The following COL4A2 variants were observed in gnomAD, a reference collection of about 807,000 sequenced individuals.
The protein encoded by COL4A2 is collagen alpha-2(IV) chain.
COL4A2 carries 99 observed loss-of-function variants against 200.2 expected under a neutral mutation model. The observed-to-expected ratio is 0.49, with a 90% CI of 0.42 to 0.58. The LOEUF is 0.58. COL4A2 is among the 20% of genes least tolerant of loss of function. The probability of loss-of-function intolerance (pLI) is 0.00; values close to 1 mark genes in which losing one functional copy is unlikely to be tolerated. For missense variants in COL4A2, 1,950 were observed against 2,314.1 expected, an observed-to-expected ratio of 0.84 and a Z score of 3.23; for synonymous variants, 897 against 900.6, an observed-to-expected ratio of 1.00 and a Z score of 0.07.
chr13:110,469,530 A>G (rs1299135902), intron 28 of COL4A2, among the ~76,000 whole-genome samples: 1 of 152,234 alleles, frequency 6.6e-6, no homozygotes, highest in Non-Finnish European at 1.5e-5. Flanking sequence ...AGCTATCTAC[A>G]GATCTTGCAG....
At chr13:110,370,725 T>C (rs1877966822) in intron 4 of COL4A2, among the ~76,000 whole-genome samples, 3 of 152,326 alleles carry the variant, frequency 2.0e-5, no homozygotes, top group African/African-American at 7.2e-5. Context: ...AAATTGAAGG[T>C]GTTCTTCTGC....
rs534971951 is a variant in COL4A2, at chr13:110,371,731, G to A, written c.180+14179G>A. ...AGCATCGATACTCCCTGCTCTCTGA[G>A]CATAGTGTAGGGCGGGCGGCGGGCC... On this transcript the variant is annotated intron_variant, in intron 4 of 47. Coordinates refer to ENST00000360467, the MANE Select transcript of COL4A2 (RefSeq NM_001846.4). Among the ~76,000 whole-genome samples, 916 of 152,276 alleles carry A rather than the reference G, an allele frequency of 6.0e-3. 4 individuals carry two copies. The highest frequency in any genetic ancestry group is 0.011 in the Non-Finnish European group (717 of 68,024).
chr13:110,464,906 C>T (rs763596542), intron 24 of COL4A2, among the ~76,000 whole-genome samples: 2 of 152,240 alleles, frequency 1.3e-5, no homozygotes, highest in Non-Finnish European at 2.9e-5. Context: ...AGGGCAGCCC[C>T]TCTCCATTCC....
At chr13:110,485,598 C>A in intron 33 of COL4A2, 57 bp from the exon 34 acceptor site, 2 of 1,326,518 alleles carry the variant, frequency 1.5e-6, no homozygotes, top group Admixed American at 2.4e-5. Flanking sequence ...AAATTGAAAA[C>A]TGGAGGGCGG....
At chr13:110,321,860 A>G (rs1043398715) in intron 3 of COL4A2, among the ~76,000 whole-genome samples, 1 of 152,204 alleles carries the variant, frequency 6.6e-6, no homozygotes, top group Non-Finnish European at 1.5e-5. Context: ...ACTCACTATC[A>G]TGAGAACAGT....
At chr13:110,409,256 G>A (rs1879737095) in intron 4 of COL4A2, among the ~76,000 whole-genome samples, 5 of 152,180 alleles carry the variant, frequency 3.3e-5, no homozygotes, top group Admixed American at 3.3e-4. Context: ...CACGGGTGAA[G>A]CTTTCTAGGA....
rs1260469528 is a variant in COL4A2 at position 110,367,533 on chromosome 13, G to T, written c.180+9981G>T. Among the ~76,000 whole-genome samples the T allele has an allele frequency of 3.3e-5, 5 of 152,340 alleles. No homozygotes were observed. In the East Asian group the frequency reaches 9.6e-4, roughly 29 times the overall value. ...TTACTTTTAAAAAAATGCACTTAGG[G>T]TGGTGATTATGGCATTGTAAAAGTC... On this transcript the variant is annotated intron_variant, in intron 4 of 47. Transcript: ENST00000360467.
intron 4 of COL4A2, among the ~76,000 whole-genome samples, chr13:110,405,690 A>C (rs141922767): frequency 2.6e-3 from 390 of 152,288 alleles, no homozygotes; most frequent in African/African-American, 9.1e-3. Context: ...TGGACAACTT[A>C]CACATTGAGC....
chr13:110,324,149 C>T (rs1885346736), intron 3 of COL4A2, among the ~76,000 whole-genome samples: 1 of 152,064 alleles, frequency 6.6e-6, no homozygotes, highest in Non-Finnish European at 1.5e-5. Context: ...GGAAGCCAGG[C>T]ATCTGGCCAG....
chr13:110,368,391 T>A (rs1877844412), intron 4 of COL4A2, among the ~76,000 whole-genome samples: 1 of 152,254 alleles, frequency 6.6e-6, no homozygotes, highest in South Asian at 2.1e-4. Flanking sequence ...AAGGTTTTAC[T>A]TAGAGACTTT....
At chr13:110,461,590 GGCTCACTGC>G (rs1882027849) in intron 22 of COL4A2, among the ~76,000 whole-genome samples, 1 of 151,886 alleles carries the variant, frequency 6.6e-6, no homozygotes, top group African/African-American at 2.4e-5. Context: ...GCAAGATCTC[GGCTCACTGC>G]AACCTCCACC....
chr13:110,491,120 C>G, intron 36 of COL4A2, 113 bp from the exon 37 acceptor site: 1 of 743,916 alleles, frequency 1.3e-6, no homozygotes, highest in East Asian at 2.7e-5. Context: ...GGATGCCTCT[C>G]TCCATTCCTG....
chr13:110,485,004 T>C lies in COL4A2; in HGVS notation c.3002T>C (p.Leu1001Pro). 1 of 1,606,094 alleles carries C rather than the reference T, an allele frequency of 6.2e-7. No homozygotes were observed. Among genetic ancestry groups the C allele is most frequent in the East Asian group, 2.2e-5 (1 of 44,726 alleles). The change falls in exon 33 of 48, where the codon CTG (leucine) becomes CCG (proline). Residue 1001 changes from leucine to proline, a missense_variant. This residue lies in a region of COL4A2 where 1,385 missense variants were observed against 1,720.5 expected (regional missense o/e 0.80). Coordinates refer to ENST00000360467, the MANE Select transcript of COL4A2 (RefSeq NM_001846.4). Reference sequence around the variant, plus strand: ...AAAGGAGATGAAGGGCCTATGGGGCTGAAAGGATACCTGGGCGCAAAAGGT... The same window carrying C: ...AAAGGAGATGAAGGGCCTATGGGGCCGAAAGGATACCTGGGCGCAAAAGGT... ...GEKGDEGPMG[L>P]KGYLGAKGIQ...
intron 3 of COL4A2, among the ~76,000 whole-genome samples, chr13:110,332,904 T>C (rs1875993710): frequency 6.6e-6 from 1 of 152,236 alleles, no homozygotes; most frequent in Non-Finnish European, 1.5e-5. Flanking sequence ...CACACGGTGC[T>C]ATTTCCAGAA....
Position 110,424,744 on chromosome 13 carries a change from G to A in COL4A2, c.191G>A (p.Gly64Glu). The A allele has an allele frequency of 6.2e-7, 1 of 1,608,408 alleles. No homozygotes were observed. The highest frequency in any genetic ancestry group is 8.5e-7 in the Non-Finnish European group (1 of 1,175,242). ...TTGTTGTTCCCACAGGGTCAGCCTGGGCCAGTGGGCCCCCAGGGGTACAAT... is the reference window on the plus strand; with the variant it reads ...TTGTTGTTCCCACAGGGTCAGCCTGAGCCAGTGGGCCCCCAGGGGTACAAT... ...YPEKGGRGQP[G>E]PVGPQGYNGP... Residue 64 changes from glycine (G) to glutamate (E), a missense_variant, in exon 5 of 48, where the codon GGG (glycine) becomes GAG (glutamate). By Grantham distance (98) the Gly-to-Glu change is moderately conservative. This residue lies in a region of COL4A2 where 565 missense variants were observed against 593.5 expected (regional missense o/e 0.95). Transcript: ENST00000360467.
chr13:110,430,222 TA>T lies in COL4A2; in HGVS notation c.550-175del, dbSNP rs988455968. The T allele has an allele frequency of 1.0e-5, 8 of 783,786 alleles. No homozygotes were observed. The African/African-American group carries it at 1.4e-4, about 14-fold the overall frequency. 48.6% of individuals were successfully genotyped at this position (783,786 alleles called of 1,614,324 possible). ...TAATATTAGTAAATATTAATATTAC[TA>T]AAATATATTCTGACTAAATAACAAT... is the stretch of plus-strand genomic sequence containing the variant. On this transcript the variant is annotated intron_variant, in intron 8 of 47. Transcript: ENST00000360467.
At chr13:110,387,506 T>C (rs1415369912) in intron 4 of COL4A2, among the ~76,000 whole-genome samples, 1 of 152,096 alleles carries the variant, frequency 6.6e-6, no homozygotes, top group African/African-American at 2.4e-5. Context: ...GGAAGCCAAG[T>C]GTCGGCCGCA....
chr13:110,371,195 C>T (rs1429978061), intron 4 of COL4A2, among the ~76,000 whole-genome samples: 1 of 152,184 alleles, frequency 6.6e-6, no homozygotes, highest in Non-Finnish European at 1.5e-5. Context: ...CCTTTCCTAG[C>T]AGCCGCTGAC....
At position 110,503,879 on chromosome 13, in the gene COL4A2, G is replaced by T; in HGVS notation, c.4171G>T (p.Ala1391Ser). 6.2e-7 allele frequency: 1 copy of T among 1,613,848 alleles called. No homozygotes were observed. Among genetic ancestry groups the T allele is most frequent in the Non-Finnish European group, 8.5e-7 (1 of 1,179,840 alleles). The change falls in exon 44 of 48, where the codon GCA becomes TCA. Residue 1391 changes from alanine to serine, a missense_variant. Physicochemically the swap from Ala to Ser is moderately conservative, Grantham distance 99. This residue lies in a region of COL4A2 where 1,385 missense variants were observed against 1,720.5 expected (regional missense o/e 0.80). Coordinates refer to ENST00000360467, the MANE Select transcript of COL4A2 (RefSeq NM_001846.4). ...APGTVGAPGI[A>S]GIPQKIAVQP... The stretch of plus-strand genomic sequence containing the variant: ...CGGGACTGTGGGAGCCCCCGGGATT[G>T]CAGGAATCCCCCAGAAGATTGCCGT...
Sources: allele counts gnomAD v4.1 joint callset (sites outside exome capture counted in the v4.1 genomes callset), GRCh38; gene constraint gnomAD v4.1.1; regional missense constraint gnomAD v4.1.1; transcripts MANE v1.5; gene names NCBI Gene and HGNC (gene_info 2026-07-23, HGNC 2026-07-21).